Variants in MALRD1 observed in about 807,000 individuals in gnomAD.
The protein encoded by MALRD1 is MAM and LDL receptor class A domain containing 1.
In MALRD1, 247 loss-of-function variants were observed where a neutral mutation model predicts 242.1. The observed-to-expected ratio is 1.02, with a 90% CI of 0.92 to 1.13. The LOEUF (loss-of-function observed/expected upper bound fraction) is 1.13, where lower values mean the gene tolerates loss of function less well. Among genes scored for constraint, MALRD1 ranks in the 50% most tolerant of loss-of-function variants. MALRD1 has a pLI of 0.00. For missense variants in MALRD1, 2,989 were observed against 2,533.1 expected (o/e 1.18, Z -3.86); for synonymous variants, 995 against 866.6 (o/e 1.15, Z -2.60).
intron 28 of MALRD1, among the ~76,000 whole-genome samples, chr10:19,440,030 G>A (rs2483081): frequency 0.71 from 108,445 of 152,054 alleles, 38,801 homozygotes; most frequent in Non-Finnish European, 0.75. Context: ...TTCCTGGGGC[G>A]TACTCATCAC....
At chr10:19,523,521 G>T (rs1589193502) in intron 31 of MALRD1, among the ~76,000 whole-genome samples, 1 of 152,050 alleles carries the variant, frequency 6.6e-6, no homozygotes, top group African/African-American at 2.4e-5. Context: ...ATCTCATTTG[G>T]AAAACAAAGT....
intron 26 of MALRD1, among the ~76,000 whole-genome samples, chr10:19,384,527 TATATA>T (rs1465239427): frequency 1.5e-4 from 18 of 119,292 alleles, no homozygotes; most frequent in South Asian, 6.7e-4. Context: ...TTATATAGTG[TATATA>T]ATATATTTAC....
Position 19,355,862 on chromosome 10 carries a change from A to G in MALRD1, c.4441+3565A>G, listed in dbSNP as rs1391227144. ...CATATATTATATATATATATATTAT[A>G]TATGATATATATTAGCTAAGCATAT... On this transcript the variant is annotated intron_variant, in intron 26 of 39. Transcript: ENST00000454679. 6.8e-5 allele frequency among the ~76,000 whole-genome samples: 9 copies of G among 133,262 alleles called. 1 individual carries two copies. Among genetic ancestry groups the G allele is most frequent in the Non-Finnish European group, 1.3e-4 (8 of 62,026 alleles). 87.4% of individuals were successfully genotyped at this position (133,262 alleles called of 152,430 possible).
chr10:19,501,435 T>C (rs957172025), intron 31 of MALRD1, among the ~76,000 whole-genome samples: 15 of 152,170 alleles, frequency 9.9e-5, no homozygotes, highest in Non-Finnish European at 2.2e-4. Context: ...ATCCACAATG[T>C]GCAATATTAT....
chr10:19,385,022 A>G (rs1366226962), intron 26 of MALRD1, among the ~76,000 whole-genome samples: 1 of 151,978 alleles, frequency 6.6e-6, no homozygotes, highest in African/African-American at 2.4e-5. Context: ...TGAAATGATC[A>G]TAAGATTTTT....
chr10:19,689,633 ATTATC>A (rs1326321479), intron 36 of MALRD1, among the ~76,000 whole-genome samples: 1 of 152,182 alleles, frequency 6.6e-6, no homozygotes, highest in Non-Finnish European at 1.5e-5. Flanking sequence ...TATTGAAAAA[ATTATC>A]TTATACAACG....
Position 19,734,161 on chromosome 10 carries a change from C to T in MALRD1, c.6395C>T (p.Ser2132Phe). The change falls in exon 40 of 40, where the codon TCT becomes TTT. Residue 2132 changes from serine to phenylalanine, a missense_variant. By Grantham distance (155) the Ser-to-Phe change is radical. Transcript: ENST00000454679. Reference protein sequence around the residue: ...NWSNPEKTESSVYSFSNPLYG... With the variant: ...NWSNPEKTESFVYSFSNPLYG... ...AAATGTGTTTTTCTTCGTCAGAGTT[C>T]TGTCTATTCCTTCTCAAACCCATTA... 1 of 1,532,124 alleles carries T rather than the reference C, an allele frequency of 6.5e-7. No homozygotes were observed. Among genetic ancestry groups the T allele is most frequent in the South Asian group, 1.2e-5 (1 of 83,058 alleles). 94.9% of individuals were successfully genotyped at this position (1,532,124 alleles called of 1,614,324 possible).
intron 18 of MALRD1, among the ~76,000 whole-genome samples, chr10:19,223,906 C>A (rs1015293570): frequency 9.2e-5 from 14 of 152,172 alleles, no homozygotes; most frequent in Admixed American, 6.5e-5. Flanking sequence ...GCATAGTATT[C>A]CACGGTGTAT....
chr10:19,248,699 C>A (rs1839169965), intron 18 of MALRD1, among the ~76,000 whole-genome samples: 2 of 151,264 alleles, frequency 1.3e-5, no homozygotes, highest in South Asian at 4.2e-4. Flanking sequence ...ATCATTTAAC[C>A]AATGGTCTTT....
chr10:19,332,066 A>G (rs1189073437), intron 24 of MALRD1, among the ~76,000 whole-genome samples: 2 of 151,874 alleles, frequency 1.3e-5, no homozygotes, highest in African/African-American at 4.8e-5. Context: ...GGGTTTCACC[A>G]TGTTGGCCAG....
At chr10:19,664,215 A>G (rs144925577) in intron 36 of MALRD1, among the ~76,000 whole-genome samples, 40 of 152,210 alleles carry the variant, frequency 2.6e-4, no homozygotes, top group African/African-American at 8.2e-4. Context: ...GTATAAAATA[A>G]AATAAAATAA....
At chr10:19,189,955 A>G (rs1835901520) in intron 14 of MALRD1, among the ~76,000 whole-genome samples, 1 of 152,120 alleles carries the variant, frequency 6.6e-6, no homozygotes, top group Non-Finnish European at 1.5e-5. Flanking sequence ...TCGTAGTACT[A>G]GCAAAAGCAA....
At chr10:19,478,659 C>T (rs1836851284) in intron 29 of MALRD1, among the ~76,000 whole-genome samples, 1 of 152,138 alleles carries the variant, frequency 6.6e-6, no homozygotes, top group East Asian at 1.9e-4. Context: ...TTTCAATACT[C>T]CTTATTGCTT....
intron 31 of MALRD1, among the ~76,000 whole-genome samples, chr10:19,502,682 G>A (rs368861910): frequency 3.9e-5 from 6 of 152,078 alleles, no homozygotes; most frequent in Admixed American, 1.3e-4. Flanking sequence ...GGACAATAAC[G>A]TGTGGACACA....
intron 32 of MALRD1, among the ~76,000 whole-genome samples, chr10:19,565,904 T>C (rs1298128210): frequency 6.6e-6 from 1 of 152,200 alleles, no homozygotes; most frequent in African/African-American, 2.4e-5. Context: ...TTCTTTAGTT[T>C]ATAATCATCT....
At chr10:19,363,119 A>G (rs963265856) in intron 26 of MALRD1, among the ~76,000 whole-genome samples, 2 of 152,110 alleles carry the variant, frequency 1.3e-5, no homozygotes, top group Non-Finnish European at 2.9e-5. Flanking sequence ...ATACAAATCT[A>G]AGCTTTGAGG....
chr10:19,211,757 A>AT (rs979902989), intron 18 of MALRD1, among the ~76,000 whole-genome samples: 18 of 147,204 alleles, frequency 1.2e-4, no homozygotes, highest in African/African-American at 4.0e-4. Flanking sequence ...GGAACAGGAT[A>AT]TTTTTTTCTC....
intron 38 of MALRD1, among the ~76,000 whole-genome samples, chr10:19,713,184 C>A (rs1589432962): frequency 6.6e-6 from 1 of 152,000 alleles, no homozygotes; most frequent in South Asian, 2.1e-4. Context: ...AAAAAAGAAA[C>A]AGGAAATAAA....
intron 12 of MALRD1, among the ~76,000 whole-genome samples, chr10:19,159,195 T>C (rs1381438389): frequency 1.3e-5 from 2 of 152,148 alleles, no homozygotes; most frequent in Non-Finnish European, 2.9e-5. Context: ...CTAGGAGCCA[T>C]AAAAATCACT....
Sources: gnomAD v4.1 joint callset for allele counts (sites outside exome capture counted in the v4.1 genomes callset) on GRCh38, gnomAD v4.1.1 for gene constraint, MANE v1.5 for transcripts, NCBI Gene and HGNC (gene_info 2026-07-23, HGNC 2026-07-21) for gene names.